The following ZMIZ1 variants were observed in gnomAD, a reference collection of about 807,000 sequenced individuals.
The protein encoded by ZMIZ1 is zinc finger MIZ-type containing 1.
ZMIZ1 carries 17 observed loss-of-function variants against 113.9 expected under a neutral mutation model. The ratio of observed to expected loss-of-function variants is 0.15; its 90% confidence interval spans 0.10 to 0.22. The LOEUF (loss-of-function observed/expected upper bound fraction) is 0.22. Ranked by LOEUF, ZMIZ1 falls within the 10% of genes least tolerant of loss-of-function variation. The pLI, the probability that ZMIZ1 is intolerant of heterozygous loss-of-function variation, is 1.00. For synonymous variants in ZMIZ1, 607 were observed against 603.1 expected, an observed-to-expected ratio of 1.01 and a Z score of -0.09; for missense variants, 1,059 against 1,477.8, an observed-to-expected ratio of 0.72 and a Z score of 4.65.
At chr10:79,282,006 G>A (rs779558707) in intron 8 of ZMIZ1, among the ~76,000 whole-genome samples, 2 of 152,154 alleles carry the variant, frequency 1.3e-5, no homozygotes, top group Non-Finnish European at 2.9e-5. Context: ...TTAATAGCCC[G>A]TGTTCCTTCT....
intron 1 of ZMIZ1, among the ~76,000 whole-genome samples, chr10:79,115,597 A>C (rs1195309278): frequency 6.6e-6 from 1 of 152,220 alleles, no homozygotes; most frequent in African/African-American, 2.4e-5. Flanking sequence ...ACGAGAGAGA[A>C]AACTGGCTCA....
intron 1 of ZMIZ1, among the ~76,000 whole-genome samples, chr10:79,093,165 CACACACACACAT>C (rs1184707649): frequency 4.2e-5 from 6 of 143,552 alleles, no homozygotes; most frequent in South Asian, 2.5e-4. Context: ...CACACACACA[CACACACACACAT>C]ATTCAGGGGA....
intron 7 of ZMIZ1, among the ~76,000 whole-genome samples, chr10:79,274,117 G>T (rs1278369784): frequency 1.3e-5 from 2 of 152,272 alleles, no homozygotes; most frequent in African/African-American, 4.8e-5. Flanking sequence ...GGACAGGCTG[G>T]CCATGTTGGT....
chr10:79,239,888 C>T (rs1849739345), intron 7 of ZMIZ1, among the ~76,000 whole-genome samples: 1 of 150,404 alleles, frequency 6.6e-6, no homozygotes, highest in Non-Finnish European at 1.5e-5. Flanking sequence ...GAAGGGTCCC[C>T]ACCCGCCCCC....
chr10:79,180,213 C>T (rs1050376359), intron 4 of ZMIZ1, among the ~76,000 whole-genome samples: 5 of 152,124 alleles, frequency 3.3e-5, no homozygotes, highest in African/African-American at 1.2e-4. Flanking sequence ...GGAAATGCCC[C>T]GAGGTGCCAG....
intron 4 of ZMIZ1, among the ~76,000 whole-genome samples, chr10:79,180,884 C>T (rs1025431116): frequency 7.9e-5 from 12 of 152,256 alleles, no homozygotes; most frequent in African/African-American, 2.9e-4. Flanking sequence ...CACACGTTTC[C>T]AGCTGCTCTC....
intron 10 of ZMIZ1, among the ~76,000 whole-genome samples, chr10:79,291,870 GC>G (rs1436752294): frequency 2.0e-5 from 3 of 152,206 alleles, no homozygotes; most frequent in African/African-American, 7.2e-5. Context: ...ATGCTGCAGG[GC>G]CTTGGGCAAG....
At chr10:79,070,955 A>G (rs1842262338) in intron 1 of ZMIZ1, among the ~76,000 whole-genome samples, 1 of 149,688 alleles carries the variant, frequency 6.7e-6, no homozygotes, top group Non-Finnish European at 1.5e-5. Context: ...TTGGCAGCCC[A>G]AACAAATGTT....
At chr10:79,277,355 A>G (rs79407124) in intron 8 of ZMIZ1, 30 bp downstream of exon 8, 149,726 of 1,558,120 alleles carry the variant, frequency 0.096, 7,340 homozygotes, top group Middle Eastern at 0.17. Context: ...GGGTGCAGGT[A>G]CTGAGCAGAC....
At chr10:79,119,222 G>A (rs751187366) in intron 2 of ZMIZ1, among the ~76,000 whole-genome samples, 198 bp downstream of exon 2, 1 of 152,198 alleles carries the variant, frequency 6.6e-6, no homozygotes, top group African/African-American at 2.4e-5. Flanking sequence ...GGTGGTGAAT[G>A]TCCTGACTTG....
In ZMIZ1 at chr10:79,069,855, C is replaced by T. The variant is rs527960559; in HGVS notation, c.-337+585C>T. Among the ~76,000 whole-genome samples the T allele has an allele frequency of 2.0e-5, 3 of 151,734 alleles. No homozygotes were observed. In the South Asian group the frequency reaches 6.3e-4, roughly 32 times the overall value. On this transcript the variant is annotated intron_variant, in intron 1 of 24. Coordinates refer to ENST00000334512, the MANE Select transcript of ZMIZ1 (RefSeq NM_020338.4). The surrounding 1 kb of genome is among the most constrained non-coding windows in gnomAD (Gnocchi z 4.6). ...GTTAAGTTGTTTGTGTGGGAATTGC[C>T]CGGGGAAAGCTGGCGCGCGGTACAA...
intron 5 of ZMIZ1, 21 bp from the exon 6 acceptor site, chr10:79,208,315 C>T (rs771634175): frequency 1.2e-6 from 2 of 1,609,292 alleles, no homozygotes; most frequent in Non-Finnish European, 1.7e-6. Context: ...GCCTCAGCCG[C>T]CTCCTTTTCC....
chr10:79,135,803 G>T (rs1233743533), intron 2 of ZMIZ1, among the ~76,000 whole-genome samples: 1 of 152,156 alleles, frequency 6.6e-6, no homozygotes, highest in Non-Finnish European at 1.5e-5. Context: ...TGCTGAAAGG[G>T]TTCTGAGGGT....
intron 4 of ZMIZ1, among the ~76,000 whole-genome samples, chr10:79,167,970 G>A (rs1846427780): frequency 6.6e-6 from 1 of 152,174 alleles, no homozygotes; most frequent in South Asian, 2.1e-4. Context: ...GGAGAAGAGG[G>A]GATTTACTCC....
At chr10:79,162,813 C>T (rs1294540087) in intron 4 of ZMIZ1, among the ~76,000 whole-genome samples, 1 of 152,194 alleles carries the variant, frequency 6.6e-6, no homozygotes, top group Non-Finnish European at 1.5e-5. Flanking sequence ...CCCTGCTCCC[C>T]CTGAGGACCC....
intron 16 of ZMIZ1, among the ~76,000 whole-genome samples, chr10:79,299,409 G>A (rs1467321375): frequency 1.3e-5 from 2 of 152,248 alleles, no homozygotes; most frequent in African/African-American, 4.8e-5. Flanking sequence ...CCCAAGGGCA[G>A]GGAGCAGCTG....
intron 7 of ZMIZ1, among the ~76,000 whole-genome samples, chr10:79,250,058 C>A (rs928100202): frequency 6.6e-6 from 1 of 152,198 alleles, no homozygotes; most frequent in Admixed American, 6.5e-5. Context: ...GGCTAAAAGG[C>A]GCTTAGGTTG....
intron 1 of ZMIZ1, among the ~76,000 whole-genome samples, chr10:79,095,985 C>T (rs1031441353): frequency 6.6e-6 from 1 of 152,220 alleles, no homozygotes. Context: ...CCTCTCCCCT[C>T]TGTTTTATAG....
intron 8 of ZMIZ1, among the ~76,000 whole-genome samples, chr10:79,286,665 C>T (rs1853105620): frequency 6.6e-6 from 1 of 152,222 alleles, no homozygotes; most frequent in South Asian, 2.1e-4. Context: ...AGTTTGGGAA[C>T]GTTGGTTAGC....
Sources: allele counts gnomAD v4.1 joint callset (sites outside exome capture counted in the v4.1 genomes callset), GRCh38; gene constraint gnomAD v4.1.1; non-coding constraint Gnocchi (gnomAD v3.1); transcripts MANE v1.5; gene names NCBI Gene and HGNC (gene_info 2026-07-23, HGNC 2026-07-21).